POLR3B: variants seen among roughly 807,000 people sequenced by gnomAD.
POLR3B encodes DNA-directed RNA polymerase III subunit RPC2.
Under a neutral mutation model 147.4 loss-of-function variants are expected in POLR3B, and 96 were observed. The ratio of observed to expected loss-of-function variants is 0.65; its 90% CI spans 0.55 to 0.77. The LOEUF is 0.77. Among genes scored for constraint, POLR3B ranks in the 30% least tolerant of loss-of-function variants. The pLI, the probability that POLR3B is intolerant of heterozygous loss-of-function variation, is 0.00. For synonymous variants in POLR3B, 461 were observed against 485.9 expected (o/e 0.95, Z 0.67); for missense variants, 1,036 against 1,413.5 (o/e 0.73, Z 4.28).
chr12:106,457,747 G>T (rs1243176151), intron 21 of POLR3B, among the ~76,000 whole-genome samples: 1 of 152,212 alleles, frequency 6.6e-6, no homozygotes, highest in East Asian at 1.9e-4. Flanking sequence ...TAGTGCAGGA[G>T]ACTGACATTG....
intron 11 of POLR3B, among the ~76,000 whole-genome samples, chr12:106,406,646 CT>C (rs1256503656): frequency 2.0e-5 from 3 of 152,196 alleles, no homozygotes; most frequent in Non-Finnish European, 4.4e-5. Context: ...TGTCACCCAG[CT>C]GGTTAGTGGT....
chr12:106,493,661 G>A (rs1355974874), intron 23 of POLR3B, among the ~76,000 whole-genome samples: 1 of 152,196 alleles, frequency 6.6e-6, no homozygotes, highest in East Asian at 1.9e-4. Flanking sequence ...TGTCACTAGT[G>A]CTCTTCATCT....
chr12:106,454,830 A>G (rs765277570), intron 20 of POLR3B, 119 bp downstream of exon 20: 4 of 696,678 alleles, frequency 5.7e-6, no homozygotes, highest in Admixed American at 2.1e-5. Context: ...TTTATGATAT[A>G]GAAACAGGAG....
chr12:106,397,439 T>TC (rs1024344023), intron 10 of POLR3B, among the ~76,000 whole-genome samples: 1 of 152,178 alleles, frequency 6.6e-6, no homozygotes, highest in Non-Finnish European at 1.5e-5. Flanking sequence ...CTGATTTTTT[T>TC]CCCCACTATT....
At position 106,462,762 on chromosome 12, in the gene POLR3B, G is replaced by A. The variant is rs144777430; in HGVS notation, c.2571-716G>A. Among the ~76,000 whole-genome samples the A allele has an allele frequency of 1.3e-4, 20 of 152,068 alleles. No individual in the cohort carries two copies. In the East Asian group the frequency reaches 3.7e-3, roughly 28 times the overall value. On this transcript the variant is annotated intron_variant, in intron 22 of 27. Transcript: ENST00000228347. ...GCCATCCTAATTCAATTAGGCCTTC[G>A]CTCAGGTTGCCACTCTGTCAGTGAC...
At chr12:106,394,293 C>T (rs2136918627) in intron 10 of POLR3B, among the ~76,000 whole-genome samples, 1 of 152,226 alleles carries the variant, frequency 6.6e-6, no homozygotes, top group Non-Finnish European at 1.5e-5. Flanking sequence ...CAGGCAGCAC[C>T]AGGAAGGGTG....
At position 106,369,648 on chromosome 12, in the gene POLR3B, C is replaced by T. The variant is rs1453928715; in HGVS notation, c.369C>T (p.Ser123=). Residue 123 remains serine, a synonymous_variant, in exon 6 of 28, where the codon AGC becomes AGT. Coordinates refer to ENST00000228347, the MANE Select transcript of POLR3B (RefSeq NM_018082.6). ...TGGATATTGAATATACCCGAGGCAG[C>T]CAGAGGATCATCCGCAATGCCTTAC... ...ITVDIEYTRG[S]QRIIRNALPI... 9 of 1,612,654 alleles carry T rather than the reference C, an allele frequency of 5.6e-6. No individual in the cohort carries two copies. Among genetic ancestry groups the T allele is most frequent in the Non-Finnish European group, 7.6e-6 (9 of 1,178,752 alleles).
intron 6 of POLR3B, among the ~76,000 whole-genome samples, chr12:106,375,856 G>GT (rs1356054999): frequency 3.9e-5 from 6 of 151,998 alleles, no homozygotes; most frequent in Admixed American, 3.3e-4. Context: ...TGAGTTTTTT[G>GT]TTTTTTTGTT....
intron 6 of POLR3B, among the ~76,000 whole-genome samples, chr12:106,370,857 C>G (rs560471545): frequency 5.9e-5 from 9 of 152,118 alleles, no homozygotes; most frequent in Admixed American, 1.3e-4. Flanking sequence ...GTCTTGAACT[C>G]CTGACCTCAG....
chr12:106,359,239 A>G (rs889620114), intron 1 of POLR3B, among the ~76,000 whole-genome samples: 10 of 152,138 alleles, frequency 6.6e-5, no homozygotes, highest in Non-Finnish European at 7.3e-5. Context: ...CCTCTTTATA[A>G]TAGTTTGACA....
chr12:106,506,040 A>G (rs899717013), intron 27 of POLR3B, among the ~76,000 whole-genome samples: 3 of 152,200 alleles, frequency 2.0e-5, no homozygotes, highest in African/African-American at 7.2e-5. Flanking sequence ...TTTGCGGTTC[A>G]TCTTTCATAA....
At chr12:106,496,383 T>G in intron 24 of POLR3B, 7 of 634,078 alleles carry the variant, frequency 1.1e-5, no homozygotes, top group Non-Finnish European at 1.7e-5. Context: ...GAGAGTGGAG[T>G]CTTCTGAGTG....
chr12:106,488,324 G>A (rs889993032), intron 23 of POLR3B, among the ~76,000 whole-genome samples: 2 of 152,336 alleles, frequency 1.3e-5, no homozygotes, highest in Non-Finnish European at 1.5e-5. Context: ...CTCTAGAGCC[G>A]TTCATCCTTT....
chr12:106,478,090 AG>A (rs1230965659), intron 23 of POLR3B, among the ~76,000 whole-genome samples: 3 of 151,712 alleles, frequency 2.0e-5, no homozygotes, highest in Non-Finnish European at 4.4e-5. Flanking sequence ...TATTCTTAGT[AG>A]AGATGGAGTT....
intron 12 of POLR3B, among the ~76,000 whole-genome samples, chr12:106,424,546 T>C (rs1297847240): frequency 6.6e-6 from 1 of 152,150 alleles, no homozygotes; most frequent in African/African-American, 2.4e-5. Context: ...TAATAAAGAG[T>C]ACTTTCATTG....
Position 106,457,385 on chromosome 12 carries a change from G to A in POLR3B, c.2452+89G>A. 6 of 1,076,474 alleles carry A rather than the reference G, an allele frequency of 5.6e-6. No individual in the cohort carries two copies. The Admixed American group carries it at 7.7e-5, about 14-fold the overall frequency. 66.7% of individuals were successfully genotyped at this position (1,076,474 alleles called of 1,614,324 possible). ...TTCTGAATATTTGGCAAAAAGGGCA[G>A]AAAAAAGTAACAACCTATAAAACCA... On this transcript the variant is annotated intron_variant, in intron 21 of 27. Coordinates refer to ENST00000228347, the MANE Select transcript of POLR3B (RefSeq NM_018082.6).
At chr12:106,497,847 A>G (rs1189388879) in intron 25 of POLR3B, among the ~76,000 whole-genome samples, 2 of 152,212 alleles carry the variant, frequency 1.3e-5, no homozygotes, top group African/African-American at 4.8e-5. Context: ...TTAAAACTAT[A>G]ACCCCATACT....
rs181934498 is a variant in POLR3B at position 106,483,173 on chromosome 12, G to T, written c.2714-12882G>T. ...AAAAGTTGTCCCTCTGTGGAGAAGG[G>T]CTCACATTCCGCAAATGCTGTATTT... On this transcript the variant is annotated intron_variant, in intron 23 of 27. Transcript: ENST00000228347. Among the ~76,000 whole-genome samples the T allele has an allele frequency of 1.1e-3, 161 of 152,278 alleles. 4 individuals carry two copies. In the East Asian group the frequency reaches 0.018, roughly 17 times the overall value.
chr12:106,393,356 G>A (rs1255696655), intron 10 of POLR3B, among the ~76,000 whole-genome samples: 1 of 152,032 alleles, frequency 6.6e-6, no homozygotes, highest in Non-Finnish European at 1.5e-5. Context: ...AGGAGCCTAT[G>A]GTGCCCGACT....
Sources: gnomAD v4.1 joint callset for allele counts (sites outside exome capture counted in the v4.1 genomes callset) on GRCh38, gnomAD v4.1.1 for gene constraint, MANE v1.5 for transcripts, NCBI Gene and HGNC (gene_info 2026-07-23, HGNC 2026-07-21) for gene names.